PARD3B: variants seen among roughly 807,000 people sequenced by gnomAD.
PARD3B encodes par-3 family cell polarity regulator beta.
PARD3B carries 103 observed loss-of-function variants against 130.2 expected under a neutral mutation model. The observed-to-expected ratio is 0.79, with a 90% CI of 0.67 to 0.93. The LOEUF (loss-of-function observed/expected upper bound fraction) is 0.93, where lower values mean the gene tolerates loss of function less well. PARD3B is among the 40% of genes least tolerant of loss of function. The pLI, the probability that PARD3B is intolerant of heterozygous loss-of-function variation, is 0.00. For synonymous variants in PARD3B, 583 were observed against 553.2 expected (o/e 1.05, Z -0.76); for missense variants, 1,609 against 1,499.2 (o/e 1.07, Z -1.21).
intron 22 of PARD3B, among the ~76,000 whole-genome samples, chr2:205,566,844 GCTGTGA>G (rs1350416098): frequency 2.6e-5 from 4 of 152,238 alleles, no homozygotes; most frequent in Non-Finnish European, 5.9e-5. Context: ...TCCTTCTGTG[GCTGTGA>G]CATGCCTTCA....
intron 16 of PARD3B, among the ~76,000 whole-genome samples, chr2:205,256,461 A>G (rs2040089662): frequency 6.6e-6 from 1 of 152,320 alleles, no homozygotes; most frequent in African/African-American, 2.4e-5. Context: ...GCAAACAGTG[A>G]CAATACCATG....
chr2:205,429,135 C>G (rs1417471522), intron 19 of PARD3B, among the ~76,000 whole-genome samples: 1 of 152,134 alleles, frequency 6.6e-6, no homozygotes, highest in Non-Finnish European at 1.5e-5. Context: ...GAATAAAAAT[C>G]CTAAATATGT....
intron 2 of PARD3B, among the ~76,000 whole-genome samples, chr2:204,853,960 CTG>C (rs902520477): frequency 6.3e-4 from 96 of 152,134 alleles, no homozygotes; most frequent in African/African-American, 1.9e-3. Flanking sequence ...GCTAACATGT[CTG>C]TGGGAGGAAT....
At chr2:204,763,530 A>G (rs2041000308) in intron 2 of PARD3B, among the ~76,000 whole-genome samples, 1 of 152,232 alleles carries the variant, frequency 6.6e-6, no homozygotes, top group Admixed American at 6.5e-5. Flanking sequence ...AAACTGGGGA[A>G]AAATGAATAT....
intron 4 of PARD3B, among the ~76,000 whole-genome samples, chr2:205,087,551 A>G (rs1390529424): frequency 6.6e-6 from 1 of 152,126 alleles, no homozygotes; most frequent in African/African-American, 2.4e-5. Context: ...ATATTTTAGT[A>G]GGTTGTCTAC....
At chr2:204,726,610 T>TGA (rs1223728212) in intron 2 of PARD3B, among the ~76,000 whole-genome samples, 1 of 152,152 alleles carries the variant, frequency 6.6e-6, no homozygotes, top group Non-Finnish European at 1.5e-5. Context: ...ACAAAAACAA[T>TGA]GACCTTGAGA....
chr2:205,077,653 A>G lies in PARD3B; in HGVS notation c.505-26773A>G, dbSNP rs186731014. 2.1e-4 allele frequency among the ~76,000 whole-genome samples: 32 copies of G among 152,292 alleles called. No individual in the cohort carries two copies. In the East Asian group the frequency reaches 5.4e-3, roughly 26 times the overall value. ...ATATTATATGATTCCAAGGAAATTT[A>G]AACCTATGCAATGATTTCTTAGAGA... On this transcript the variant is annotated intron_variant, in intron 4 of 22. Coordinates refer to ENST00000406610, the MANE Select transcript of PARD3B (RefSeq NM_001302769.2).
intron 16 of PARD3B, among the ~76,000 whole-genome samples, chr2:205,284,041 G>A (rs1218581944): frequency 6.6e-6 from 1 of 152,200 alleles, no homozygotes; most frequent in African/African-American, 2.4e-5. Flanking sequence ...GTTAAACTAT[G>A]CAATTAAATC....
chr2:204,961,288 A>G (rs1454141750), intron 2 of PARD3B, among the ~76,000 whole-genome samples: 2 of 152,142 alleles, frequency 1.3e-5, no homozygotes, highest in Non-Finnish European at 2.9e-5. Context: ...GGGGCTGTTA[A>G]GAAACACATG....
chr2:205,094,942 G>A (rs1187305644), intron 4 of PARD3B, among the ~76,000 whole-genome samples: 1 of 152,112 alleles, frequency 6.6e-6, no homozygotes, highest in Non-Finnish European at 1.5e-5. Flanking sequence ...CCAGCTTTAG[G>A]TGATGATTTG....
chr2:204,769,600 TG>T (rs2041277189), intron 2 of PARD3B, among the ~76,000 whole-genome samples: 1 of 47,870 alleles, frequency 2.1e-5, no homozygotes, highest in African/African-American at 1.6e-4. Flanking sequence ...CTTGTACCTC[TG>T]GTAGAATTCG....
chr2:205,528,322 A>G (rs1183131822), intron 21 of PARD3B, among the ~76,000 whole-genome samples: 3 of 152,110 alleles, frequency 2.0e-5, no homozygotes, highest in East Asian at 1.9e-4. Flanking sequence ...GTTGTGCCCA[A>G]CCTCATGCTG....
At position 204,570,931 on chromosome 2, in the gene PARD3B, T is replaced by C. The variant is rs1287972646; in HGVS notation, c.120+24812T>C. 2.7e-5 allele frequency among the ~76,000 whole-genome samples: 4 copies of C among 150,682 alleles called. No individual in the cohort carries two copies. The East Asian group carries it at 7.8e-4, about 30-fold the overall frequency. ...GTTGTAACTGAGGTGTATAAGCTGT[T>C]GTAACTGAGGTGTATAAGCTGTTGT... On this transcript the variant is annotated intron_variant, in intron 1 of 22. Transcript: ENST00000406610.
intron 21 of PARD3B, among the ~76,000 whole-genome samples, chr2:205,527,456 G>T (rs2051388732): frequency 6.6e-6 from 1 of 152,138 alleles, no homozygotes; most frequent in Middle Eastern, 3.2e-3. Flanking sequence ...ACTATGGTTC[G>T]AGGTTGATGA....
chr2:205,548,321 C>T (rs2052465768), intron 21 of PARD3B, among the ~76,000 whole-genome samples: 1 of 152,108 alleles, frequency 6.6e-6, no homozygotes, highest in Admixed American at 6.6e-5. Context: ...CCATTATACT[C>T]AACGATCAGA....
At chr2:205,533,949 T>C (rs948615859) in intron 21 of PARD3B, among the ~76,000 whole-genome samples, 12 of 151,584 alleles carry the variant, frequency 7.9e-5, no homozygotes, top group African/African-American at 4.9e-5. Context: ...CCACCTCTAA[T>C]AGAGTCTAGT....
intron 19 of PARD3B, among the ~76,000 whole-genome samples, chr2:205,416,134 G>T (rs2046767081): frequency 6.6e-6 from 1 of 152,038 alleles, no homozygotes; most frequent in Admixed American, 6.6e-5. Context: ...CATCCTGAGG[G>T]CATGCTTCTG....
chr2:205,296,675 G>A (rs913858678), intron 16 of PARD3B, among the ~76,000 whole-genome samples: 2 of 151,540 alleles, frequency 1.3e-5, no homozygotes, highest in African/African-American at 4.9e-5. Flanking sequence ...GTGTGTGTGT[G>A]TGTGTGTGTG....
In PARD3B at chr2:205,274,705, T is replaced by A. The variant is rs1017863882; in HGVS notation, c.2186-25825T>A. On this transcript the variant is annotated intron_variant, in intron 16 of 22. Transcript: ENST00000406610. The surrounding 1 kb of genome is among the most constrained non-coding windows in gnomAD (Gnocchi z 4.2). ...TCTATCTGAATATTAATTCTTCAGT[T>A]AGCACCAAATGCAGAATTTATTATG... 1.3e-5 allele frequency among the ~76,000 whole-genome samples: 2 copies of A among 152,262 alleles called. No individual in the cohort carries two copies. The highest frequency in any genetic ancestry group is 4.8e-5 in the African/African-American group (2 of 41,550).
Sources: allele counts gnomAD v4.1 joint callset (sites outside exome capture counted in the v4.1 genomes callset), GRCh38; gene constraint gnomAD v4.1.1; non-coding constraint Gnocchi (gnomAD v3.1); transcripts MANE v1.5; gene names NCBI Gene and HGNC (gene_info 2026-07-23, HGNC 2026-07-21).